Variants in NTNG1 observed in about 807,000 individuals in gnomAD.
NTNG1 encodes the protein netrin-G1.
NTNG1 carries 16 observed loss-of-function variants against 54.0 expected under a neutral mutation model. The observed-to-expected ratio is 0.30, with a 90% CI of 0.20 to 0.45. The LOEUF (loss-of-function observed/expected upper bound fraction) is 0.45. Among genes scored for constraint, NTNG1 ranks in the 20% least tolerant of loss-of-function variants. The probability of loss-of-function intolerance (pLI) is 1.00; values close to 1 mark genes in which losing one functional copy is unlikely to be tolerated. For missense variants in NTNG1, 530 were observed against 678.7 expected (o/e 0.78, Z 2.43); for synonymous variants, 255 against 263.1 (o/e 0.97, Z 0.30).
chr1:107,308,012 G>GTT (rs201033868), intron 2 of NTNG1, among the ~76,000 whole-genome samples: 23 of 146,562 alleles, frequency 1.6e-4, no homozygotes, highest in African/African-American at 5.7e-4. Context: ...TTTTAATAGT[G>GTT]TTTTTTTTTT....
chr1:107,440,534 C>T (rs1675900773), intron 7 of NTNG1, among the ~76,000 whole-genome samples: 1 of 152,096 alleles, frequency 6.6e-6, no homozygotes, highest in South Asian at 2.1e-4. Context: ...GAATGTGGAC[C>T]TCGTAGTACA....
chr1:107,300,732 T>C (rs967401875), intron 2 of NTNG1, among the ~76,000 whole-genome samples: 1 of 152,188 alleles, frequency 6.6e-6, no homozygotes, highest in Non-Finnish European at 1.5e-5. Context: ...TATTTATGTC[T>C]CCAGAATTTT....
chr1:107,156,562 A>T (rs1407828652), intron 2 of NTNG1, among the ~76,000 whole-genome samples: 3 of 152,238 alleles, frequency 2.0e-5, no homozygotes, highest in Non-Finnish European at 4.4e-5. Context: ...ATTTCTGAAG[A>T]ATATATAATG....
chr1:107,388,687 C>T (rs2101062692), intron 3 of NTNG1, among the ~76,000 whole-genome samples: 1 of 152,196 alleles, frequency 6.6e-6, no homozygotes, highest in Middle Eastern at 3.4e-3. Context: ...AAGTAAGTGG[C>T]AAAGGAGGGA....
At chr1:107,377,108 A>G (rs1042806046) in intron 3 of NTNG1, among the ~76,000 whole-genome samples, 1 of 152,174 alleles carries the variant, frequency 6.6e-6, no homozygotes, top group Middle Eastern at 3.2e-3. Flanking sequence ...TGCTTGTCAC[A>G]TATCTGTTTC....
intron 2 of NTNG1, among the ~76,000 whole-genome samples, chr1:107,221,132 A>G (rs1660314163): frequency 6.6e-6 from 1 of 152,034 alleles, no homozygotes; most frequent in South Asian, 2.1e-4. Flanking sequence ...TACTTGGCCT[A>G]TTTTTAGGTT....
rs148536391 is a variant in NTNG1, at chr1:107,341,077, C to T, written c.887+16155C>T. 6.8e-3 allele frequency among the ~76,000 whole-genome samples: 1,029 copies of T among 151,970 alleles called. 12 individuals are homozygous for T. The highest frequency in any genetic ancestry group is 0.02 in the African/African-American group (840 of 41,466). The stretch of plus-strand genomic sequence containing the variant: ...GCCAAAGTGAAAAGATTTCTTGAGG[C>T]CAGGAGTTTGAGACCACACTGGACA... On this transcript the variant is annotated intron_variant, in intron 3 of 7. Coordinates refer to ENST00000370068, the MANE Select transcript of NTNG1 (RefSeq NM_001113226.3).
chr1:107,395,414 CT>C, intron 4 of NTNG1, 88 bp downstream of exon 4: 1 of 1,198,888 alleles, frequency 8.3e-7, no homozygotes, highest in Middle Eastern at 1.9e-4. Flanking sequence ...GATTTTATTC[CT>C]CTTACCAGTT....
At position 107,346,172 on chromosome 1, in the gene NTNG1, C is replaced by T. The variant is rs1029581363; in HGVS notation, c.887+21250C>T. Among the ~76,000 whole-genome samples, 9 of 152,282 alleles carry T rather than the reference C, an allele frequency of 5.9e-5. No homozygotes were observed. In the East Asian group the frequency reaches 1.7e-3, roughly 29 times the overall value. On this transcript the variant is annotated intron_variant, in intron 3 of 7. Transcript: ENST00000370068. ...CTAAGAAATACTGAACTACAGCCAA[C>T]AAGAAATGACTGAAGTTTTTCTCCA...
At chr1:107,422,231 G>T (rs1359710544) in intron 5 of NTNG1, among the ~76,000 whole-genome samples, 1 of 152,102 alleles carries the variant, frequency 6.6e-6, no homozygotes, top group Non-Finnish European at 1.5e-5. Flanking sequence ...TATGAGAAGA[G>T]CAGATGCAGG....
chr1:107,263,328 C>G (rs930449779), intron 2 of NTNG1, among the ~76,000 whole-genome samples: 2 of 138,228 alleles, frequency 1.4e-5, no homozygotes, highest in Non-Finnish European at 3.3e-5. Context: ...TTCCTTCTTT[C>G]CTTCCTTCCT....
At chr1:107,370,393 G>A (rs1670847827) in intron 3 of NTNG1, among the ~76,000 whole-genome samples, 1 of 151,574 alleles carries the variant, frequency 6.6e-6, no homozygotes, top group South Asian at 2.1e-4. Flanking sequence ...GGGAACAGGT[G>A]GTACTTGGTT....
chr1:107,252,152 T>C (rs1343046732), intron 2 of NTNG1, among the ~76,000 whole-genome samples: 1 of 152,244 alleles, frequency 6.6e-6, no homozygotes, highest in Admixed American at 6.5e-5. Context: ...TGGCTTATAA[T>C]AAGCATTCTA....
chr1:107,391,573 C>A (rs1420316659), intron 3 of NTNG1, among the ~76,000 whole-genome samples: 1 of 152,108 alleles, frequency 6.6e-6, no homozygotes, highest in Non-Finnish European at 1.5e-5. Context: ...GCTTACAGTT[C>A]TGTAAGCTGT....
At chr1:107,426,551 T>C (rs1299055140) in intron 5 of NTNG1, among the ~76,000 whole-genome samples, 2 of 152,166 alleles carry the variant, frequency 1.3e-5, no homozygotes, top group African/African-American at 2.4e-5. Flanking sequence ...ACCAGTACCA[T>C]GCTGTTTCAG....
At chr1:107,401,293 A>G (rs1394957293) in intron 4 of NTNG1, among the ~76,000 whole-genome samples, 1 of 152,164 alleles carries the variant, frequency 6.6e-6, no homozygotes, top group Admixed American at 6.6e-5. Flanking sequence ...TTGTCAGCGC[A>G]GTAAGAGAGG....
chr1:107,193,072 T>C (rs1178060594), intron 2 of NTNG1, among the ~76,000 whole-genome samples: 1 of 152,082 alleles, frequency 6.6e-6, no homozygotes, highest in Non-Finnish European at 1.5e-5. Context: ...CATATACTAA[T>C]TGTTCAATGG....
At chr1:107,264,766 G>A (rs929445134) in intron 2 of NTNG1, among the ~76,000 whole-genome samples, 24 of 152,118 alleles carry the variant, frequency 1.6e-4, no homozygotes, top group African/African-American at 5.8e-4. Context: ...CCCATCTGTG[G>A]TTAGTGAGAA....
chr1:107,307,855 C>G (rs1463170338), intron 2 of NTNG1, among the ~76,000 whole-genome samples: 2 of 152,116 alleles, frequency 1.3e-5, no homozygotes, highest in African/African-American at 2.4e-5. Flanking sequence ...TTGTCCTTGG[C>G]CTTCTAATCT....
Sources: allele counts gnomAD v4.1 joint callset (sites outside exome capture counted in the v4.1 genomes callset), GRCh38; gene constraint gnomAD v4.1.1; transcripts MANE v1.5; gene names NCBI Gene and HGNC (gene_info 2026-07-23, HGNC 2026-07-21).